DENND4A: variants seen among roughly 807,000 people sequenced by gnomAD.
DENND4A encodes the protein DENN domain containing 4A, also known as C-myc promoter-binding protein.
DENND4A carries 70 observed loss-of-function variants against 199.3 expected under a neutral mutation model. The observed-to-expected ratio is 0.35, with a 90% CI of 0.29 to 0.43. The LOEUF (loss-of-function observed/expected upper bound fraction) is 0.43, where lower values mean the gene tolerates loss of function less well. DENND4A is among the 20% of genes least tolerant of loss of function. DENND4A has a pLI of 1.00. For synonymous variants in DENND4A, 686 were observed against 766.9 expected, an observed-to-expected ratio of 0.89 and a Z score of 1.74; for missense variants, 1,723 against 2,255.8, an observed-to-expected ratio of 0.76 and a Z score of 4.78.
chr15:65,706,241 A>C lies in DENND4A; in HGVS notation c.1954-17T>G, dbSNP rs1211147937. On this transcript the variant is annotated splice_polypyrimidine_tract_variant and intron_variant, in intron 14 of 32. Coordinates refer to ENST00000443035, the MANE Select transcript of DENND4A (RefSeq NM_001320835.1). ...CATATCCACCTAAAGGAGTTTTAAA[A>C]ACATATATTAAAAAAGCCACATTGG... 2 of 1,476,276 alleles carry C rather than the reference A, an allele frequency of 1.4e-6. No individual in the cohort carries two copies. Among genetic ancestry groups the C allele is most frequent in the African/African-American group, 2.9e-5 (2 of 69,542 alleles). The allele number at this position is 1,476,276 out of a possible 1,614,324, so 91.4% of individuals were successfully genotyped here.
At chr15:65,691,977 T>C (rs924596362) in intron 22 of DENND4A, among the ~76,000 whole-genome samples, 1 of 147,376 alleles carries the variant, frequency 6.8e-6, no homozygotes, top group Non-Finnish European at 1.5e-5. Context: ...TTTTTTTTTT[T>C]AATTTGCTAG....
At chr15:65,728,003 TG>T (rs2075855188) in intron 11 of DENND4A, among the ~76,000 whole-genome samples, 1 of 151,730 alleles carries the variant, frequency 6.6e-6, no homozygotes, top group South Asian at 2.1e-4. Context: ...TTTTTTTGTT[TG>T]TTTTTTTTTG....
At chr15:65,706,990 A>G (rs1389828844) in intron 14 of DENND4A, among the ~76,000 whole-genome samples, 1 of 152,220 alleles carries the variant, frequency 6.6e-6, no homozygotes, top group Non-Finnish European at 1.5e-5. Context: ...TCAAGAAATA[A>G]TATTTTTTAA....
At chr15:65,735,634 G>A (rs568899581) in intron 7 of DENND4A, among the ~76,000 whole-genome samples, 1 of 152,230 alleles carries the variant, frequency 6.6e-6, no homozygotes, top group East Asian at 1.9e-4. Context: ...TGGCTGTAGT[G>A]TACATTTTTA....
In DENND4A at chr15:65,671,837, G is replaced by A; in HGVS notation, c.4419C>T (p.Ser1473=). 2 of 1,613,086 alleles carry A rather than the reference G, an allele frequency of 1.2e-6. No homozygotes were observed. Among genetic ancestry groups the A allele is most frequent in the Non-Finnish European group, 8.5e-7 (1 of 1,179,090 alleles). ...AGATATTTGTATTACTCGCGTTGAA[G>A]GAAGATGTCACTTCTGATTTCCCAG... ...ALPGKSEVTS[S]FNASNTNIFQ... is the part of the protein sequence containing the mutation. The change falls in exon 25 of 33, where the codon TCC becomes TCT. Residue 1473 remains serine, a synonymous_variant. Transcript: ENST00000443035.
At chr15:65,697,840 C>A (rs1190648315) in intron 20 of DENND4A, among the ~76,000 whole-genome samples, 1 of 152,034 alleles carries the variant, frequency 6.6e-6, no homozygotes, top group East Asian at 1.9e-4. Flanking sequence ...TGGATTTCTT[C>A]AAATTTATTG....
At chr15:65,738,065 C>A in intron 6 of DENND4A, 120 bp from the exon 7 acceptor site, 1 of 960,436 alleles carries the variant, frequency 1.0e-6, no homozygotes, top group East Asian at 2.6e-5. Context: ...GTATTAAGAA[C>A]ACAGTGATGA....
chr15:65,753,865 G>A (rs1455999074), intron 3 of DENND4A: 2 of 119,080 alleles, frequency 1.7e-5, no homozygotes, highest in South Asian at 2.6e-4. Flanking sequence ...ATGAAGTTTC[G>A]CTTTTGTTGC....
intron 13 of DENND4A, among the ~76,000 whole-genome samples, chr15:65,716,002 G>A (rs1304669667): frequency 6.6e-6 from 1 of 151,886 alleles, no homozygotes; most frequent in Non-Finnish European, 1.5e-5. Flanking sequence ...TCTCAAAGCA[G>A]CAGTAACATT....
At chr15:65,780,172 G>A (rs920869505) in intron 1 of DENND4A, among the ~76,000 whole-genome samples, 1 of 152,172 alleles carries the variant, frequency 6.6e-6, no homozygotes, top group Non-Finnish European at 1.5e-5. Context: ...AAAGCGTTGG[G>A]ATTACAGGTG....
In DENND4A at chr15:65,676,612, C is replaced by T; in HGVS notation, c.4202G>A (p.Ser1401Asn). The change falls in exon 24 of 33, where the codon AGT (serine) becomes AAT (asparagine). Residue 1401 changes from serine to asparagine, a missense_variant. This residue lies in a region of DENND4A where 650 missense variants were observed against 738.1 expected (regional missense o/e 0.88). Transcript: ENST00000443035. ...SSKDQSSDRT[S>N]LSSVGAQDSE... ...ATCCTGGGCTCCCACTGAAGAAAGACTGGTACGATCAGAACTTTGATCCTA... is the reference window on the plus strand; with the variant it reads ...ATCCTGGGCTCCCACTGAAGAAAGATTGGTACGATCAGAACTTTGATCCTA... 6.2e-7 allele frequency: 1 copy of T among 1,612,474 alleles called. No individual in the cohort carries two copies.
chr15:65,772,247 C>T, intron 1 of DENND4A: 1 of 567,906 alleles, frequency 1.8e-6, no homozygotes. Flanking sequence ...CTCTGATTCT[C>T]TCATTCACTC....
chr15:65,779,032 G>T (rs926415984), intron 1 of DENND4A, among the ~76,000 whole-genome samples: 1 of 152,118 alleles, frequency 6.6e-6, no homozygotes, highest in Non-Finnish European at 1.5e-5. Flanking sequence ...AGAAGGCAGA[G>T]ACAGTAAGAC....
chr15:65,723,040 T>G, intron 11 of DENND4A, 92 bp from the exon 12 acceptor site: 1 of 937,376 alleles, frequency 1.1e-6, no homozygotes. Context: ...GGGAAAAGAT[T>G]AAACACCTTG....
intron 1 of DENND4A, among the ~76,000 whole-genome samples, chr15:65,783,226 T>C (rs1338024754): frequency 6.6e-6 from 1 of 152,220 alleles, no homozygotes; most frequent in Admixed American, 6.5e-5. Context: ...GGTAAAGGCA[T>C]TTCTCATGGA....
chr15:65,705,653 G>A (rs1200299680), intron 15 of DENND4A, among the ~76,000 whole-genome samples: 7 of 151,748 alleles, frequency 4.6e-5, no homozygotes, highest in Non-Finnish European at 7.4e-5. Flanking sequence ...AAATTATATC[G>A]TACAAATCAA....
At chr15:65,738,157 G>C (rs2076164150) in intron 6 of DENND4A, among the ~76,000 whole-genome samples, 1 of 152,094 alleles carries the variant, frequency 6.6e-6, no homozygotes, top group Admixed American at 6.6e-5. Flanking sequence ...GAAAGAAAAG[G>C]TGTTTTGATT....
chr15:65,734,115 G>A (rs932517535), intron 7 of DENND4A, among the ~76,000 whole-genome samples: 1 of 152,160 alleles, frequency 6.6e-6, no homozygotes, highest in Non-Finnish European at 1.5e-5. Context: ...AGGAAGGCAT[G>A]CCTCTTGCAG....
At chr15:65,702,598 G>T in intron 16 of DENND4A, 87 bp from the exon 17 acceptor site, 1 of 1,138,016 alleles carries the variant, frequency 8.8e-7, no homozygotes, top group Non-Finnish European at 1.3e-6. Context: ...CAAGTCACAT[G>T]CTTTTATAAT....
Sources: allele counts gnomAD v4.1 joint callset (sites outside exome capture counted in the v4.1 genomes callset), GRCh38; gene constraint gnomAD v4.1.1; regional missense constraint gnomAD v4.1.1; transcripts MANE v1.5; gene names NCBI Gene and HGNC (gene_info 2026-07-23, HGNC 2026-07-21).